INPP4B: variants seen among roughly 807,000 people sequenced by gnomAD.
INPP4B encodes the protein inositol polyphosphate 4-phosphatase type II.
A neutral mutation model predicts 122.5 loss-of-function variants in INPP4B; 55 were observed. That is an observed-to-expected ratio of 0.45 (90% CI 0.36 to 0.56). The LOEUF is 0.56. Among genes scored for constraint, INPP4B ranks in the 20% least tolerant of loss-of-function variants. The probability of loss-of-function intolerance (pLI) is 0.00; values close to 1 mark genes in which losing one functional copy is unlikely to be tolerated. For missense variants in INPP4B, 1,000 were observed against 1,097.7 expected (o/e 0.91, Z 1.26); for synonymous variants, 403 against 388.7 (o/e 1.04, Z -0.43).
chr4:142,559,143 T>C (rs992830982), intron 2 of INPP4B, among the ~76,000 whole-genome samples: 2 of 152,182 alleles, frequency 1.3e-5, no homozygotes, highest in Admixed American at 1.3e-4. Flanking sequence ...GCACTCTCAG[T>C]TGTTATAGTG....
intron 2 of INPP4B, among the ~76,000 whole-genome samples, chr4:142,684,293 T>C (rs2150695364): frequency 6.6e-6 from 1 of 152,146 alleles, no homozygotes; most frequent in South Asian, 2.1e-4. Context: ...ATATGGGCCT[T>C]ACCGAATAGC....
chr4:142,799,925 T>C (rs1310356936), intron 1 of INPP4B, among the ~76,000 whole-genome samples: 2 of 151,482 alleles, frequency 1.3e-5, no homozygotes, highest in East Asian at 3.9e-4. Flanking sequence ...TAAATAATGA[T>C]GCAATGAACA....
chr4:142,098,372 AC>A (rs1471518359), intron 23 of INPP4B, among the ~76,000 whole-genome samples: 2 of 152,126 alleles, frequency 1.3e-5, no homozygotes, highest in Non-Finnish European at 2.9e-5. Flanking sequence ...CAAAAAAAAA[AC>A]TAACAACATT....
intron 9 of INPP4B, among the ~76,000 whole-genome samples, chr4:142,278,101 G>T (rs983077717): frequency 2.0e-5 from 3 of 151,622 alleles, no homozygotes; most frequent in Admixed American, 6.6e-5. Context: ...CTGCCCATTG[G>T]GTTCCAGTTG....
intron 1 of INPP4B, among the ~76,000 whole-genome samples, chr4:142,765,304 G>A (rs188984403): frequency 2.6e-5 from 4 of 152,236 alleles, no homozygotes; most frequent in African/African-American, 9.6e-5. Flanking sequence ...ATAGGTGGGG[G>A]TGGCACTGAA....
chr4:142,839,834 A>C (rs1783264150), intron 1 of INPP4B, among the ~76,000 whole-genome samples: 1 of 152,226 alleles, frequency 6.6e-6, no homozygotes, highest in African/African-American at 2.4e-5. Flanking sequence ...AAAAAAGGAA[A>C]TGCATTTCTT....
chr4:142,386,852 G>A (rs1177081841), intron 7 of INPP4B, among the ~76,000 whole-genome samples: 1 of 152,082 alleles, frequency 6.6e-6, no homozygotes, highest in Non-Finnish European at 1.5e-5. Context: ...CAGAAGTGAG[G>A]TCCGAAGTAG....
intron 12 of INPP4B, among the ~76,000 whole-genome samples, chr4:142,221,171 G>A (rs1016085403): frequency 5.9e-5 from 9 of 152,090 alleles, no homozygotes; most frequent in Admixed American, 3.9e-4. Flanking sequence ...AGGCCGAGGC[G>A]AGTGGATCAC....
chr4:142,245,559 T>C (rs1727576305), intron 11 of INPP4B, among the ~76,000 whole-genome samples: 1 of 152,068 alleles, frequency 6.6e-6, no homozygotes, highest in Non-Finnish European at 1.5e-5. Context: ...TTTTTTGTTG[T>C]GTCTCGGCCA....
Position 142,402,990 on chromosome 4 carries a change from T to C in INPP4B, c.320A>G (p.Glu107Gly). 1 of 1,610,530 alleles carries C rather than the reference T, an allele frequency of 6.2e-7. No individual in the cohort carries two copies. The highest frequency in any genetic ancestry group is 8.5e-7 in the Non-Finnish European group (1 of 1,176,736). The change falls in exon 7 of 26, where the codon GAG (glutamate) becomes GGG (glycine). Residue 107 changes from glutamate to glycine, a missense_variant. Glu to Gly is a moderately conservative substitution (Grantham distance 98, BLOSUM62 -2). Transcript: ENST00000262992. ...ATAGACTGTTAGTTTTATTTTGGTC[T>C]CCTCATAGATGGGATACTCAGATGG... ...TFPSEYPIYE[E>G]TKIKLTVYDV...
chr4:142,116,003 G>T (rs150579063), intron 21 of INPP4B, among the ~76,000 whole-genome samples: 1 of 152,048 alleles, frequency 6.6e-6, no homozygotes, highest in South Asian at 2.1e-4. Context: ...AAAGGCAGGG[G>T]TTGCAATCCT....
Position 142,029,419 on chromosome 4 carries a change from G to A in INPP4B, c.2643-505C>T, listed in dbSNP as rs1374236613. ...AAGAGAGAAAATGGCTTTCTGAACA[G>A]CCTGGGCCAAGTCTCAGCTTTATAA... On this transcript the variant is annotated intron_variant, in intron 25 of 25. Coordinates refer to ENST00000262992, the MANE Select transcript of INPP4B (RefSeq NM_001101669.3). 15 of 953,714 alleles carry A rather than the reference G, an allele frequency of 1.6e-5. No individual in the cohort carries two copies. In the Admixed American group the frequency reaches 9.4e-4, roughly 60 times the overall value. 59.1% of individuals were successfully genotyped at this position (953,714 alleles called of 1,614,324 possible). A position where few individuals can be genotyped will look rare whatever the true frequency, so the allele number is the denominator to read the frequency against.
intron 2 of INPP4B, among the ~76,000 whole-genome samples, chr4:142,491,506 A>T (rs938646788): frequency 1.3e-5 from 2 of 152,060 alleles, no homozygotes; most frequent in African/African-American, 4.8e-5. Context: ...AGACAAAAAA[A>T]ATTAGCCAGA....
chr4:142,504,200 A>C (rs1489828010), intron 2 of INPP4B, among the ~76,000 whole-genome samples: 3 of 152,058 alleles, frequency 2.0e-5, no homozygotes, highest in African/African-American at 7.2e-5. Context: ...TAAGAAGACA[A>C]CTCAATAGAA....
intron 1 of INPP4B, among the ~76,000 whole-genome samples, chr4:142,762,535 T>C (rs1368684202): frequency 6.6e-6 from 1 of 152,098 alleles, no homozygotes; most frequent in Non-Finnish European, 1.5e-5. Flanking sequence ...AGTAAAGCAA[T>C]CCTACAAGAA....
intron 21 of INPP4B, among the ~76,000 whole-genome samples, chr4:142,121,922 C>A (rs1309386283): frequency 6.6e-6 from 1 of 152,042 alleles, no homozygotes; most frequent in Non-Finnish European, 1.5e-5. Flanking sequence ...CAACTCACTA[C>A]AATTTAAAAC....
chr4:142,316,199 G>A lies in INPP4B; in HGVS notation c.373-1437C>T, dbSNP rs560532543. Among the ~76,000 whole-genome samples, 313 of 152,252 alleles carry A rather than the reference G, an allele frequency of 2.1e-3. 1 individual carries two copies. The highest frequency in any genetic ancestry group is 7.2e-3 in the African/African-American group (300 of 41,558). ...CAAGCACAAAATAAATGACATGAGAGATCCCAATGGAGTAAACACAATTTG... is the reference window on the plus strand; with the variant it reads ...CAAGCACAAAATAAATGACATGAGAAATCCCAATGGAGTAAACACAATTTG... On this transcript the variant is annotated intron_variant, in intron 7 of 25. Coordinates refer to ENST00000262992, the MANE Select transcript of INPP4B (RefSeq NM_001101669.3).
intron 7 of INPP4B, among the ~76,000 whole-genome samples, chr4:142,387,098 G>A (rs976863694): frequency 1.6e-4 from 24 of 152,056 alleles, no homozygotes; most frequent in African/African-American, 5.1e-4. Context: ...GATTTGATCC[G>A]GTAATTAACT....
At chr4:142,493,348 C>T (rs966682220) in intron 2 of INPP4B, among the ~76,000 whole-genome samples, 1 of 152,128 alleles carries the variant, frequency 6.6e-6, no homozygotes, top group African/African-American at 2.4e-5. Context: ...GAGAAATGGG[C>T]CATTATCCTC....
Sources: gnomAD v4.1 joint callset for allele counts (sites outside exome capture counted in the v4.1 genomes callset) on GRCh38, gnomAD v4.1.1 for gene constraint, MANE v1.5 for transcripts, NCBI Gene and HGNC (gene_info 2026-07-23, HGNC 2026-07-21) for gene names.